Variants in FSTL4 observed in about 807,000 individuals in gnomAD.
FSTL4 encodes the protein follistatin like 4.
Under a neutral mutation model 78.2 loss-of-function variants are expected in FSTL4, and 28 were observed. The observed-to-expected ratio is 0.36, with a 90% CI of 0.27 to 0.49. The LOEUF (loss-of-function observed/expected upper bound fraction) is 0.49. Ranked by LOEUF, FSTL4 falls within the 20% of genes least tolerant of loss-of-function variation. The probability of loss-of-function intolerance (pLI) is 0.98; values close to 1 mark genes in which losing one functional copy is unlikely to be tolerated. For missense variants in FSTL4, 922 were observed against 1,084.9 expected, an observed-to-expected ratio of 0.85 and a Z score of 2.11; for synonymous variants, 422 against 440.5, an observed-to-expected ratio of 0.96 and a Z score of 0.53.
At chr5:133,270,389 A>G (rs1752741730) in intron 6 of FSTL4, among the ~76,000 whole-genome samples, 1 of 152,240 alleles carries the variant, frequency 6.6e-6, no homozygotes, top group African/African-American at 2.4e-5. Flanking sequence ...CTGTTGCATT[A>G]TGCTATTATT....
the FSTL4 span, among the ~76,000 whole-genome samples, chr5:133,701,509 A>ACACACACACACACACACACCCC: frequency 4.5e-5 from 6 of 132,696 alleles, no homozygotes; most frequent in East Asian, 1.1e-3. Flanking sequence ...ACACACACAC[A>ACACACACACACACACACACCCC]CCCCACAGGC....
chr5:133,539,507 G>A (rs769151987), intron 3 of FSTL4, among the ~76,000 whole-genome samples: 20 of 151,904 alleles, frequency 1.3e-4, no homozygotes, highest in Non-Finnish European at 2.1e-4. Context: ...GGGCGGCACA[G>A]GACAACTTCT....
intron 5 of FSTL4, among the ~76,000 whole-genome samples, chr5:133,315,350 A>G (rs1041236705): frequency 5.3e-5 from 8 of 152,178 alleles, no homozygotes; most frequent in Non-Finnish European, 1.5e-5. Flanking sequence ...TTGACTCTAA[A>G]GTCTGCATTC....
At chr5:133,396,705 C>G (rs1430283057) in intron 4 of FSTL4, among the ~76,000 whole-genome samples, 1 of 152,114 alleles carries the variant, frequency 6.6e-6, no homozygotes, top group Non-Finnish European at 1.5e-5. Flanking sequence ...AGAGTAACAA[C>G]AACAGCAACA....
intron 2 of FSTL4, among the ~76,000 whole-genome samples, chr5:133,592,020 T>C (rs1454993522): frequency 6.6e-6 from 1 of 152,094 alleles, no homozygotes; most frequent in Non-Finnish European, 1.5e-5. Context: ...TGTTCCGTTT[T>C]CCCCTCCTGA....
chr5:133,574,370 CA>C (rs1760228774), intron 2 of FSTL4, among the ~76,000 whole-genome samples: 1 of 152,194 alleles, frequency 6.6e-6, no homozygotes, highest in African/African-American at 2.4e-5. Context: ...CCAGCACCAG[CA>C]AAACTTTCCT....
chr5:133,561,195 T>G (rs976386709), intron 3 of FSTL4, among the ~76,000 whole-genome samples: 2 of 151,520 alleles, frequency 1.3e-5, no homozygotes, highest in Non-Finnish European at 2.9e-5. Flanking sequence ...GAACACATCT[T>G]GGAGACAGAA....
At chr5:133,468,764 A>T (rs1448745148) in intron 3 of FSTL4, among the ~76,000 whole-genome samples, 1 of 152,194 alleles carries the variant, frequency 6.6e-6, no homozygotes, top group Non-Finnish European at 1.5e-5. Context: ...GACTTCTGAC[A>T]GGCAGGCCAG....
At chr5:133,674,968 A>G in the FSTL4 span, among the ~76,000 whole-genome samples, 2 of 152,200 alleles carry the variant, frequency 1.3e-5, no homozygotes, top group African/African-American at 2.4e-5. Context: ...ATTGCAGTGA[A>G]TAAGTGCTCG....
chr5:133,397,269 T>C (rs1283380635), intron 4 of FSTL4, among the ~76,000 whole-genome samples: 1 of 152,228 alleles, frequency 6.6e-6, no homozygotes, highest in East Asian at 1.9e-4. Context: ...CCCAATATCT[T>C]GGCATTCTCT....
intron 13 of FSTL4, among the ~76,000 whole-genome samples, chr5:133,211,828 C>T (rs1750735567): frequency 1.3e-5 from 2 of 152,162 alleles, no homozygotes; most frequent in African/African-American, 4.8e-5. Flanking sequence ...ACTCTGATGA[C>T]TCTAGAATTC....
the FSTL4 span, among the ~76,000 whole-genome samples, chr5:133,746,737 G>C: frequency 2.0e-5 from 3 of 152,034 alleles, no homozygotes; most frequent in African/African-American, 7.3e-5. Flanking sequence ...TTTTCACCAA[G>C]AAAGCAAAGA....
intron 3 of FSTL4, among the ~76,000 whole-genome samples, chr5:133,423,642 G>A (rs1174820472): frequency 6.6e-6 from 1 of 152,184 alleles, no homozygotes; most frequent in African/African-American, 2.4e-5. Flanking sequence ...CGGTGGTGGA[G>A]GCAATGGTAG....
At chr5:133,210,032 T>C (rs1750652292) in intron 14 of FSTL4, 159 bp downstream of exon 14, 2 of 543,148 alleles carry the variant, frequency 3.7e-6, no homozygotes, top group Non-Finnish European at 6.7e-6. Flanking sequence ...GTGAGGGGCA[T>C]TGGCCTGAGG....
intron 3 of FSTL4, among the ~76,000 whole-genome samples, chr5:133,473,374 T>C (rs182868960): frequency 3.9e-5 from 6 of 152,286 alleles, no homozygotes; most frequent in Admixed American, 1.3e-4. Flanking sequence ...CTGGACAAAG[T>C]GGCTCCTAGC....
intron 3 of FSTL4, among the ~76,000 whole-genome samples, chr5:133,448,668 T>A (rs886310325): frequency 8.0e-6 from 1 of 125,302 alleles, no homozygotes; most frequent in Non-Finnish European, 1.6e-5. Context: ...GACAGAAGAC[T>A]GAGGTTGAGA....
At chr5:133,758,600 T>C in the FSTL4 span, among the ~76,000 whole-genome samples, 1 of 152,232 alleles carries the variant, frequency 6.6e-6, no homozygotes, top group Non-Finnish European at 1.5e-5. Context: ...TGCCTACAAG[T>C]AATTGATATT....
upstream of FSTL4, among the ~76,000 whole-genome samples, chr5:133,614,398 A>G (rs570497821): frequency 6.5e-4 from 99 of 152,362 alleles, 1 homozygote; most frequent in Admixed American, 9.8e-4. Flanking sequence ...GCTGCAAACC[A>G]GATGTATGGA....
At chr5:133,209,089 G>T (rs1750621186) in intron 14 of FSTL4, among the ~76,000 whole-genome samples, 1 of 152,180 alleles carries the variant, frequency 6.6e-6, no homozygotes, top group South Asian at 2.1e-4. Flanking sequence ...TCTGGCAGCT[G>T]TATTTCTTTG....
Sources: gnomAD v4.1 joint callset for allele counts (sites outside exome capture counted in the v4.1 genomes callset) on GRCh38, gnomAD v4.1.1 for gene constraint, MANE v1.5 for transcripts, NCBI Gene and HGNC (gene_info 2026-07-23, HGNC 2026-07-21) for gene names.